DIAPH3: variants seen among roughly 807,000 people sequenced by gnomAD.
DIAPH3 encodes protein diaphanous homolog 3.
DIAPH3 carries 117 observed loss-of-function variants against 144.3 expected under a neutral mutation model. That is an observed-to-expected ratio of 0.81 (90% CI 0.70 to 0.95). The LOEUF is 0.95. DIAPH3 is among the 40% of genes least tolerant of loss of function. The pLI is 0.00. For synonymous variants in DIAPH3, 519 were observed against 488.9 expected (o/e 1.06, Z -0.81); for missense variants, 1,421 against 1,412.7 (o/e 1.01, Z -0.09).
At chr13:59,790,944 T>C (rs1026431233) in intron 25 of DIAPH3, among the ~76,000 whole-genome samples, 3 of 152,166 alleles carry the variant, frequency 2.0e-5, no homozygotes, top group African/African-American at 7.2e-5. Flanking sequence ...TTAGGTAACT[T>C]TGAGAACAAC....
intron 21 of DIAPH3, among the ~76,000 whole-genome samples, chr13:59,872,892 G>A (rs187892475): frequency 1.1e-4 from 16 of 152,280 alleles, no homozygotes; most frequent in Admixed American, 7.8e-4. Flanking sequence ...CACACAAGCA[G>A]CCTATTTGCT....
chr13:60,062,494 T>C (rs1326345292), intron 4 of DIAPH3, among the ~76,000 whole-genome samples: 1 of 152,174 alleles, frequency 6.6e-6, no homozygotes, highest in African/African-American at 2.4e-5. Context: ...TCCTTCCAAT[T>C]ACCTTTAAAC....
At chr13:60,130,162 A>G (rs2059103514) in intron 2 of DIAPH3, among the ~76,000 whole-genome samples, 1 of 152,202 alleles carries the variant, frequency 6.6e-6, no homozygotes. Flanking sequence ...TCCAAATCCA[A>G]CAATGCTCTT....
chr13:60,054,417 G>A (rs907402090), intron 4 of DIAPH3, among the ~76,000 whole-genome samples: 4 of 152,004 alleles, frequency 2.6e-5, no homozygotes, highest in South Asian at 2.1e-4. Context: ...AAAAGCTTAC[G>A]TTCTCATAGT....
intron 1 of DIAPH3, among the ~76,000 whole-genome samples, chr13:60,136,927 G>A (rs950298423): frequency 1.5e-5 from 2 of 137,916 alleles, no homozygotes; most frequent in Non-Finnish European, 1.6e-5. Flanking sequence ...GCGACAGAGC[G>A]AGACTCCGTC....
chr13:60,066,180 C>A (rs2141321433), intron 4 of DIAPH3, among the ~76,000 whole-genome samples: 1 of 151,948 alleles, frequency 6.6e-6, no homozygotes, highest in South Asian at 2.1e-4. Flanking sequence ...ACCCTCAAAT[C>A]TAGTAGTGGA....
intron 4 of DIAPH3, among the ~76,000 whole-genome samples, chr13:60,061,746 C>G (rs1426202704): frequency 6.6e-6 from 1 of 151,974 alleles, no homozygotes; most frequent in African/African-American, 2.4e-5. Context: ...CTCAAACAAT[C>G]TAACTCTTCT....
intron 17 of DIAPH3, among the ~76,000 whole-genome samples, chr13:59,943,184 C>T (rs1025784751): frequency 6.6e-6 from 1 of 152,106 alleles, no homozygotes; most frequent in East Asian, 1.9e-4. Flanking sequence ...TTTATTTTGG[C>T]AGTTTATTTC....
At chr13:59,840,342 A>G (rs1189933594) in intron 22 of DIAPH3, among the ~76,000 whole-genome samples, 5 of 152,108 alleles carry the variant, frequency 3.3e-5, no homozygotes, top group African/African-American at 1.2e-4. Flanking sequence ...CATTCTTAGG[A>G]TTTGAATTAA....
chr13:59,890,203 C>T (rs2045702060), intron 20 of DIAPH3, among the ~76,000 whole-genome samples: 1 of 152,084 alleles, frequency 6.6e-6, no homozygotes, highest in South Asian at 2.1e-4. Flanking sequence ...TTCCTTTCTG[C>T]ACAATTCCTT....
intron 27 of DIAPH3, among the ~76,000 whole-genome samples, chr13:59,737,182 C>A (rs1240623198): frequency 3.3e-5 from 5 of 152,034 alleles, no homozygotes; most frequent in African/African-American, 9.7e-5. Flanking sequence ...TTCTGCACAG[C>A]CAAAGAAACT....
At chr13:60,049,487 A>G (rs933517957) in intron 4 of DIAPH3, among the ~76,000 whole-genome samples, 1 of 152,182 alleles carries the variant, frequency 6.6e-6, no homozygotes, top group African/African-American at 2.4e-5. Context: ...GCCCTTATCC[A>G]AACCCTCACC....
intron 17 of DIAPH3, among the ~76,000 whole-genome samples, chr13:59,967,268 T>C (rs1168568437): frequency 6.6e-6 from 1 of 151,102 alleles, no homozygotes; most frequent in Admixed American, 6.6e-5. Flanking sequence ...GAAATGAGGG[T>C]CTCATCATGT....
At chr13:59,749,672 TAAG>T (rs1402364587) in intron 27 of DIAPH3, among the ~76,000 whole-genome samples, 14 of 151,698 alleles carry the variant, frequency 9.2e-5, no homozygotes, top group Non-Finnish European at 1.9e-4. Context: ...AATTCACAAA[TAAG>T]AAGTATATAA....
At chr13:59,814,242 C>T (rs2040647560) in intron 24 of DIAPH3, among the ~76,000 whole-genome samples, 1 of 152,084 alleles carries the variant, frequency 6.6e-6, no homozygotes, top group Non-Finnish European at 1.5e-5. Context: ...TTAGCATTCC[C>T]ATGGGTAATA....
chr13:60,016,043 C>T (rs1221713705), intron 6 of DIAPH3, 28 bp downstream of exon 6: 1 of 1,610,882 alleles, frequency 6.2e-7, no homozygotes, highest in South Asian at 1.1e-5. Context: ...ATGATGCTTA[C>T]TTGAAAATAA....
At chr13:59,878,196 A>G (rs893342550) in intron 21 of DIAPH3, among the ~76,000 whole-genome samples, 4 of 152,226 alleles carry the variant, frequency 2.6e-5, no homozygotes, top group Non-Finnish European at 4.4e-5. Flanking sequence ...AGTCTTCAGG[A>G]TGTGTTTTAG....
intron 1 of DIAPH3, among the ~76,000 whole-genome samples, chr13:60,161,511 C>A (rs551381946): frequency 6.6e-6 from 1 of 152,286 alleles, no homozygotes; most frequent in East Asian, 1.9e-4. Flanking sequence ...GGAACTTCTG[C>A]CCATGTTAAG....
intron 22 of DIAPH3, among the ~76,000 whole-genome samples, chr13:59,852,240 A>G (rs1566415210): frequency 6.6e-6 from 1 of 152,306 alleles, no homozygotes; most frequent in East Asian, 1.9e-4. Context: ...GAGGGGAGAA[A>G]GGACGATTAC....
Sources: allele counts gnomAD v4.1 joint callset (sites outside exome capture counted in the v4.1 genomes callset), GRCh38; gene constraint gnomAD v4.1.1; transcripts MANE v1.5; gene names NCBI Gene and HGNC (gene_info 2026-07-23, HGNC 2026-07-21).